Variants in BANP observed in about 807,000 individuals in gnomAD.
BANP encodes protein BANP.
In BANP, 11 loss-of-function variants were observed where a neutral mutation model predicts 68.1. The observed-to-expected ratio is 0.16, with a 90% CI of 0.10 to 0.27. The LOEUF (loss-of-function observed/expected upper bound fraction) is 0.27, where lower values mean the gene tolerates loss of function less well. BANP is among the 10% of genes least tolerant of loss of function. The pLI is 1.00. For synonymous variants in BANP, 329 were observed against 303.2 expected, an observed-to-expected ratio of 1.09 and a Z score of -0.88; for missense variants, 504 against 722.7, an observed-to-expected ratio of 0.70 and a Z score of 3.47.
chr16:87,998,749 T>G (rs867352090), intron 4 of BANP, among the ~76,000 whole-genome samples: 3 of 119,102 alleles, frequency 2.5e-5, no homozygotes, highest in Non-Finnish European at 5.2e-5. Flanking sequence ...CTTGCCTGTC[T>G]TTCCAGACAC....
At chr16:87,965,834 C>T (rs1428512063) in intron 1 of BANP, among the ~76,000 whole-genome samples, 2 of 152,174 alleles carry the variant, frequency 1.3e-5, no homozygotes, top group East Asian at 1.9e-4. Flanking sequence ...AACAGTTTCA[C>T]AGGTAATAAA....
intron 3 of BANP, among the ~76,000 whole-genome samples, chr16:87,983,594 C>T (rs930045545): frequency 1.3e-5 from 2 of 152,062 alleles, no homozygotes; most frequent in African/African-American, 4.8e-5. Flanking sequence ...GGACCAAATC[C>T]CAAGTCAGGG....
chr16:88,047,643 T>C (rs1393939446), intron 11 of BANP, among the ~76,000 whole-genome samples: 1 of 151,802 alleles, frequency 6.6e-6, no homozygotes, highest in Non-Finnish European at 1.5e-5. Context: ...CTCACTGGAG[T>C]CTGATGTTCT....
intron 11 of BANP, among the ~76,000 whole-genome samples, chr16:88,043,650 C>A (rs1159163272): frequency 6.6e-6 from 1 of 152,126 alleles, no homozygotes; most frequent in East Asian, 1.9e-4. Flanking sequence ...AGAGGACAGG[C>A]CTTGTATGGT....
At chr16:87,983,418 G>T (rs930014641) in intron 3 of BANP, among the ~76,000 whole-genome samples, 1 of 152,204 alleles carries the variant, frequency 6.6e-6, no homozygotes, top group Non-Finnish European at 1.5e-5. Context: ...TTTCTGGTTT[G>T]TGTGTTTCTC....
At position 88,077,174 on chromosome 16, in the gene BANP, T is replaced by TG. The variant is rs1276727812; in HGVS notation, c.*514dup. Reference sequence around the variant, plus strand: ...CATGAGACGGGAGCCCTTTGCTGTGTGCTCTGTCCAGTGTCATGAGGCAGG... The same window carrying TG: ...CATGAGACGGGAGCCCTTTGCTGTGTGGCTCTGTCCAGTGTCATGAGGCAGG... On this transcript the variant is annotated 3_prime_UTR_variant, in exon 14 of 14. Transcript: ENST00000682872. The TG allele has an allele frequency of 1.9e-5, 3 of 158,712 alleles. No homozygotes were observed. In the East Asian group the frequency reaches 5.6e-4, roughly 30 times the overall value. 9.8% of individuals were successfully genotyped at this position (158,712 alleles called of 1,614,324 possible). A position where few individuals can be genotyped will look rare whatever the true frequency, so the allele number is the denominator to read the frequency against.
intron 1 of BANP, among the ~76,000 whole-genome samples, chr16:87,966,240 T>A (rs970048195): frequency 4.6e-5 from 7 of 152,150 alleles, no homozygotes; most frequent in Admixed American, 6.5e-5. Flanking sequence ...ACATTCAGGG[T>A]GTTACTCTGG....
intron 4 of BANP, among the ~76,000 whole-genome samples, chr16:87,991,344 C>G (rs1456392880): frequency 2.0e-5 from 3 of 152,182 alleles, no homozygotes; most frequent in Admixed American, 6.5e-5. Flanking sequence ...GAGATACAAT[C>G]TAATAACCAA....
At position 88,034,607 on chromosome 16, in the gene BANP, C is replaced by G. The variant is rs1328902749; in HGVS notation, c.1201-716C>G. On this transcript the variant is annotated intron_variant, in intron 9 of 13. Coordinates refer to ENST00000682872, the MANE Select transcript of BANP (RefSeq NM_001386991.1). ...CAACAGCTCCCCTGCTTCAGCCACA[C>G]ACTGCGTAGCCTCCCAGTATCCCCA... 8.1e-4 allele frequency among the ~76,000 whole-genome samples: 3 copies of G among 3,714 alleles called. No individual in the cohort carries two copies. The Admixed American group carries it at 0.015, about 18-fold the overall frequency. 2.4% of individuals were successfully genotyped at this position (3,714 alleles called of 152,430 possible). A position where few individuals can be genotyped will look rare whatever the true frequency, so the allele number is the denominator to read the frequency against.
At chr16:87,963,771 C>G (rs1019048917) in intron 1 of BANP, among the ~76,000 whole-genome samples, 1 of 152,166 alleles carries the variant, frequency 6.6e-6, no homozygotes, top group African/African-American at 2.4e-5. Context: ...ATACAGGAAG[C>G]CTGGCTTGAC....
Position 87,966,569 on chromosome 16 carries a change from C to G in BANP, c.-68-8479C>G, listed in dbSNP as rs917790322. The G allele has an allele frequency of 2.0e-5, 3 of 152,318 alleles. No individual in the cohort carries two copies. The East Asian group carries it at 5.8e-4, about 29-fold the overall frequency. 9.4% of individuals were successfully genotyped at this position (152,318 alleles called of 1,614,324 possible). A position where few individuals can be genotyped will look rare whatever the true frequency, so the allele number is the denominator to read the frequency against. On this transcript the variant is annotated intron_variant, in intron 1 of 13. Coordinates refer to ENST00000682872, the MANE Select transcript of BANP (RefSeq NM_001386991.1). The stretch of plus-strand genomic sequence containing the variant: ...CAACAGAGGCATTTTGAGTAAACAA[C>G]TCGAATAATGTGTGGTGTCCTCATT...
chr16:88,009,129 C>T (rs375463251), intron 6 of BANP, among the ~76,000 whole-genome samples: 3 of 152,190 alleles, frequency 2.0e-5, no homozygotes, highest in South Asian at 2.1e-4. Flanking sequence ...CCCGTAGTGG[C>T]GTCCTCTCTT....
At chr16:87,981,587 GTATATCACTTTAGGATGTGGC>G (rs1567652506) in intron 3 of BANP, among the ~76,000 whole-genome samples, 1 of 152,086 alleles carries the variant, frequency 6.6e-6, no homozygotes, top group African/African-American at 2.4e-5. Context: ...TAGGATGTGG[GTATATCACTTTAGGATGTGGC>G]TATATCACCA....
chr16:88,069,625 G>C (rs2089783554), intron 12 of BANP, among the ~76,000 whole-genome samples: 1 of 152,162 alleles, frequency 6.6e-6, no homozygotes, highest in Non-Finnish European at 1.5e-5. Context: ...CCCCTAAACT[G>C]CTCCTAACCC....
At chr16:88,039,016 G>T (rs1334476869) in intron 11 of BANP, among the ~76,000 whole-genome samples, 2 of 152,216 alleles carry the variant, frequency 1.3e-5, no homozygotes, top group African/African-American at 4.8e-5. Context: ...ACTGAGCCTG[G>T]TGCACTCCCA....
chr16:87,981,982 T>A (rs2146087430), intron 3 of BANP, among the ~76,000 whole-genome samples: 1 of 152,374 alleles, frequency 6.6e-6, no homozygotes, highest in East Asian at 1.9e-4. Flanking sequence ...CATATAATTC[T>A]TCTACTTACA....
intron 4 of BANP, among the ~76,000 whole-genome samples, chr16:87,995,355 T>C (rs2066912668): frequency 6.6e-6 from 1 of 152,244 alleles, no homozygotes; most frequent in South Asian, 2.1e-4. Flanking sequence ...GTTTCTTCTT[T>C]TATTTGGCCC....
intron 3 of BANP, 75 bp downstream of exon 3, chr16:87,981,202 A>T: frequency 9.2e-7 from 1 of 1,088,682 alleles, no homozygotes; most frequent in East Asian, 2.4e-5. Flanking sequence ...ATCACCATCA[A>T]TGGGATGGCT....
rs2152922235 is a variant in BANP, at chr16:88,072,220, T to A, written c.1521+8T>A. On this transcript the variant is annotated splice_region_variant and intron_variant, in intron 13 of 13. Coordinates refer to ENST00000682872, the MANE Select transcript of BANP (RefSeq NM_001386991.1). The stretch of plus-strand genomic sequence containing the variant: ...CACACGGCCGGGGCACAGGTGAGTC[T>A]GGGGCCCCGCGCCGGGACACTGAAG... 6.2e-7 allele frequency: 1 copy of A among 1,605,338 alleles called. No homozygotes were observed. The highest frequency in any genetic ancestry group is 8.5e-7 in the Non-Finnish European group (1 of 1,177,138).
Sources: gnomAD v4.1 joint callset for allele counts (sites outside exome capture counted in the v4.1 genomes callset) on GRCh38, gnomAD v4.1.1 for gene constraint, MANE v1.5 for transcripts, NCBI Gene and HGNC (gene_info 2026-07-23, HGNC 2026-07-21) for gene names.